Variants in HMGCLL1 observed in about 807,000 individuals in gnomAD.
The protein encoded by HMGCLL1 is 3-hydroxy-3-methylglutaryl-CoA lyase like 1, also known as 3-hydroxymethyl-3-methylglutaryl-CoA lyase, cytoplasmic.
A neutral mutation model predicts 39.1 loss-of-function variants in HMGCLL1; 36 were observed. The ratio of observed to expected loss-of-function variants is 0.92; its 90% CI spans 0.71 to 1.22. The LOEUF is 1.22. Ranked by LOEUF, HMGCLL1 falls within the 50% of genes most tolerant of loss-of-function variation. The probability of loss-of-function intolerance (pLI) is 0.00; values close to 1 mark genes in which losing one functional copy is unlikely to be tolerated. For missense variants in HMGCLL1, 451 were observed against 416.5 expected, an observed-to-expected ratio of 1.08 and a Z score of -0.72; for synonymous variants, 149 against 144.0, an observed-to-expected ratio of 1.03 and a Z score of -0.25.
chr6:55,650,076 T>TATATACAC, the HMGCLL1 span, among the ~76,000 whole-genome samples: 2 of 97,062 alleles, frequency 2.1e-5, no homozygotes, highest in African/African-American at 7.8e-5. Context: ...TATATATATA[T>TATATACAC]ACACACACAT....
At chr6:55,584,800 G>A in the HMGCLL1 span, among the ~76,000 whole-genome samples, 1 of 151,982 alleles carries the variant, frequency 6.6e-6, no homozygotes, top group Non-Finnish European at 1.5e-5. Context: ...ATGTAGCCAA[G>A]ATACCTATTG....
chr6:55,654,328 T>C, the HMGCLL1 span, among the ~76,000 whole-genome samples: 3 of 150,542 alleles, frequency 2.0e-5, no homozygotes, highest in Non-Finnish European at 4.4e-5. Context: ...TTATATATTA[T>C]ATAAATATGT....
intron 7 of HMGCLL1, among the ~76,000 whole-genome samples, chr6:55,448,407 TAAAAG>T (rs981687436): frequency 5.3e-5 from 8 of 151,288 alleles, no homozygotes; most frequent in African/African-American, 1.9e-4. Flanking sequence ...AAATGGAAGA[TAAAAG>T]AAAAGGATAC....
intron 7 of HMGCLL1, among the ~76,000 whole-genome samples, chr6:55,476,016 A>G (rs1399109018): frequency 6.6e-6 from 1 of 151,654 alleles, no homozygotes; most frequent in African/African-American, 2.4e-5. Flanking sequence ...TTATCTGATA[A>G]GTTCTTCAGA....
At chr6:55,582,531 C>T (rs1317303298), upstream of HMGCLL1, among the ~76,000 whole-genome samples, 1 of 152,118 alleles carries the variant, frequency 6.6e-6, no homozygotes, top group Non-Finnish European at 1.5e-5. Context: ...TGAAGAGACT[C>T]TTAGCAGTCT....
At chr6:55,598,227 G>A in the HMGCLL1 span, among the ~76,000 whole-genome samples, 1 of 152,104 alleles carries the variant, frequency 6.6e-6, no homozygotes, top group Non-Finnish European at 1.5e-5. Context: ...AACATGTCCT[G>A]TATTTAATGA....
chr6:55,647,750 T>C, the HMGCLL1 span, among the ~76,000 whole-genome samples: 1 of 123,194 alleles, frequency 8.1e-6, no homozygotes, highest in Non-Finnish European at 1.7e-5. Context: ...TTTTCCTTTT[T>C]TTTTTTTTAT....
At chr6:55,596,248 G>C in the HMGCLL1 span, among the ~76,000 whole-genome samples, 2 of 152,086 alleles carry the variant, frequency 1.3e-5, no homozygotes, top group African/African-American at 4.8e-5. Flanking sequence ...AATCGCTTGA[G>C]CCCGGGAGGT....
intron 7 of HMGCLL1, among the ~76,000 whole-genome samples, chr6:55,491,612 G>A (rs1367290373): frequency 6.6e-6 from 1 of 152,108 alleles, no homozygotes; most frequent in Non-Finnish European, 1.5e-5. Context: ...CATTTCAGTG[G>A]AGAAAAATAG....
chr6:55,557,131 C>T (rs1296614102), intron 1 of HMGCLL1, among the ~76,000 whole-genome samples: 1 of 152,164 alleles, frequency 6.6e-6, no homozygotes, highest in Non-Finnish European at 1.5e-5. Context: ...CATTTTACTT[C>T]CAAGAACCCC....
intron 5 of HMGCLL1, among the ~76,000 whole-genome samples, chr6:55,505,903 CGTA>C (rs1767133667): frequency 6.6e-6 from 1 of 151,624 alleles, no homozygotes; most frequent in Non-Finnish European, 1.5e-5. Flanking sequence ...AAAGTTGCCA[CGTA>C]AAATATTTAA....
chr6:55,503,660 C>A (rs890353273), intron 5 of HMGCLL1, among the ~76,000 whole-genome samples: 3 of 151,674 alleles, frequency 2.0e-5, no homozygotes, highest in Non-Finnish European at 4.4e-5. Flanking sequence ...AAGCTTGATG[C>A]ATTCACATAG....
chr6:55,620,626 T>TACAC, the HMGCLL1 span, among the ~76,000 whole-genome samples: 22,435 of 149,308 alleles, frequency 0.15, 1,920 homozygotes, highest in Non-Finnish European at 0.2. Flanking sequence ...TTTGGGGTGT[T>TACAC]ACACACACAC....
intron 3 of HMGCLL1, among the ~76,000 whole-genome samples, chr6:55,529,956 A>G (rs571113843): frequency 6.9e-4 from 104 of 151,610 alleles, no homozygotes; most frequent in East Asian, 5.9e-4. Context: ...CATATCATAC[A>G]TGAGTAAGAG....
rs1351637354 is a variant in HMGCLL1, at chr6:55,467,324, TG to T, written c.796-27766del. ...TATTTTTTCTATGTGAATATTTTCA[TG>T]TTTTTTTGCAAATGTTTAAACCAAA... On this transcript the variant is annotated intron_variant, in intron 7 of 8. Transcript: ENST00000274901. Among the ~76,000 whole-genome samples the T allele has an allele frequency of 1.6e-4, 24 of 152,242 alleles. 1 individual carries two copies. The highest frequency in any genetic ancestry group is 5.5e-4 in the African/African-American group (23 of 41,576).
chr6:55,661,008 T>C, the HMGCLL1 span, among the ~76,000 whole-genome samples: 1 of 152,136 alleles, frequency 6.6e-6, no homozygotes, highest in East Asian at 1.9e-4. Flanking sequence ...ACCACATGTA[T>C]GTCTTCTTTT....
the HMGCLL1 span, among the ~76,000 whole-genome samples, chr6:55,650,070 TATATATACACACACATATAC>T: frequency 8.6e-6 from 1 of 116,434 alleles, no homozygotes; most frequent in African/African-American, 3.5e-5. Flanking sequence ...TATATATATA[TATATATACACACACATATAC>T]ATATATATAT....
intron 7 of HMGCLL1, among the ~76,000 whole-genome samples, chr6:55,459,569 C>T (rs1001260239): frequency 2.6e-5 from 4 of 151,970 alleles, no homozygotes; most frequent in Admixed American, 1.3e-4. Context: ...TGCTGGATCC[C>T]TCCTGCTATG....
chr6:55,527,819 G>C (rs905287962), intron 3 of HMGCLL1, among the ~76,000 whole-genome samples: 1 of 151,982 alleles, frequency 6.6e-6, no homozygotes, highest in Non-Finnish European at 1.5e-5. Context: ...ATCTTGCTCA[G>C]AGAAATATCA....
Sources: allele counts gnomAD v4.1 joint callset (sites outside exome capture counted in the v4.1 genomes callset), GRCh38; gene constraint gnomAD v4.1.1; transcripts MANE v1.5; gene names NCBI Gene and HGNC (gene_info 2026-07-23, HGNC 2026-07-21).